The following SGCZ variants were observed in gnomAD, a reference collection of about 807,000 sequenced individuals.
SGCZ encodes sarcoglycan zeta.
SGCZ carries 40 observed loss-of-function variants against 41.3 expected under a neutral mutation model. That is an observed-to-expected ratio of 0.97 (90% CI 0.75 to 1.26). The LOEUF (loss-of-function observed/expected upper bound fraction) is 1.26. Ranked by LOEUF, SGCZ falls within the 50% of genes most tolerant of loss-of-function variation. The pLI is 0.00. For synonymous variants in SGCZ, 206 were observed against 137.5 expected, an observed-to-expected ratio of 1.50 and a Z score of -3.49; for missense variants, 552 against 369.8, an observed-to-expected ratio of 1.49 and a Z score of -4.04.
chr8:14,298,240 T>C (rs1313540750), intron 3 of SGCZ, among the ~76,000 whole-genome samples: 1 of 152,038 alleles, frequency 6.6e-6, no homozygotes. Flanking sequence ...AATTCTACTG[T>C]AAATATGAAT....
At chr8:14,814,949 T>C (rs901644083) in intron 1 of SGCZ, among the ~76,000 whole-genome samples, 1 of 152,014 alleles carries the variant, frequency 6.6e-6, no homozygotes, top group African/African-American at 2.4e-5. Flanking sequence ...AATAGGACAT[T>C]AAAAAAAGAA....
intron 3 of SGCZ, among the ~76,000 whole-genome samples, chr8:14,249,233 G>A (rs1439726608): frequency 1.3e-5 from 2 of 152,166 alleles, no homozygotes; most frequent in African/African-American, 4.8e-5. Flanking sequence ...GCTGGGACAT[G>A]AGTCTTCTCT....
chr8:14,507,912 C>T (rs1802355574), intron 2 of SGCZ, among the ~76,000 whole-genome samples: 1 of 152,030 alleles, frequency 6.6e-6, no homozygotes, highest in Admixed American at 6.6e-5. Flanking sequence ...GCTGGGATTA[C>T]AGGCATGCGC....
chr8:14,888,300 G>C (rs1278593161), intron 1 of SGCZ, among the ~76,000 whole-genome samples: 1 of 152,096 alleles, frequency 6.6e-6, no homozygotes. Context: ...GATGCATAAA[G>C]ATATTCTGTT....
At position 14,850,937 on chromosome 8, in the gene SGCZ, T is replaced by C. The variant is rs148168389; in HGVS notation, c.40-296011A>G. 7.2e-5 allele frequency among the ~76,000 whole-genome samples: 11 copies of C among 152,310 alleles called. No homozygotes were observed. The East Asian group carries it at 2.1e-3, about 29-fold the overall frequency. On this transcript the variant is annotated intron_variant, in intron 1 of 7. Coordinates refer to ENST00000382080, the MANE Select transcript of SGCZ (RefSeq NM_139167.4). ...TGACACCTCTCCAGCCGTACTGTGATTCAATTAAACCTCTTTCCTTTATAA... is the reference window on the plus strand; with the variant it reads ...TGACACCTCTCCAGCCGTACTGTGACTCAATTAAACCTCTTTCCTTTATAA...
At chr8:14,782,663 G>A (rs887132783) in intron 1 of SGCZ, among the ~76,000 whole-genome samples, 7 of 140,984 alleles carry the variant, frequency 5.0e-5, no homozygotes, top group Admixed American at 2.8e-4. Flanking sequence ...GGTTTTAGAT[G>A]AATTATTGAG....
At chr8:15,211,928 G>C (rs1302876217) in intron 1 of SGCZ, among the ~76,000 whole-genome samples, 2 of 152,088 alleles carry the variant, frequency 1.3e-5, no homozygotes, top group Non-Finnish European at 2.9e-5. Context: ...AGTTACATGA[G>C]AATTCAAAGT....
intron 1 of SGCZ, among the ~76,000 whole-genome samples, chr8:14,941,715 G>C (rs927618419): frequency 6.6e-6 from 1 of 151,658 alleles, no homozygotes; most frequent in Admixed American, 6.6e-5. Context: ...GAGAGAGTTT[G>C]TACATCTATT....
In SGCZ at chr8:14,114,821, C is replaced by T. The variant is rs960617797; in HGVS notation, c.548-6586G>A. 1.9e-4 allele frequency among the ~76,000 whole-genome samples: 29 copies of T among 151,978 alleles called. 1 individual carries two copies. The highest frequency in any genetic ancestry group is 1.7e-3 in the Admixed American group (26 of 15,232). The stretch of plus-strand genomic sequence containing the variant: ...GTAACCTTCAAGAAGTTATGTTTTA[C>T]TAGCAGTTGTTTCTCTGAGTTTTAG... On this transcript the variant is annotated intron_variant, in intron 5 of 7. Coordinates refer to ENST00000382080, the MANE Select transcript of SGCZ (RefSeq NM_139167.4).
chr8:14,161,413 C>T (rs559123343), intron 5 of SGCZ: 1 of 152,130 alleles, frequency 6.6e-6, no homozygotes, highest in Non-Finnish European at 1.5e-5. Flanking sequence ...GTTTGTGACT[C>T]TAGGGTGTGT....
At position 14,669,357 on chromosome 8, in the gene SGCZ, C is replaced by CTAAGTAAGTAAG. The variant is rs75686503; in HGVS notation, c.40-114443_40-114432dup. Among the ~76,000 whole-genome samples the CTAAGTAAGTAAG allele has an allele frequency of 9.8e-3, 1,437 of 146,574 alleles. 22 individuals carry two copies. The highest frequency in any genetic ancestry group is 0.037 in the South Asian group (168 of 4,506). ...TGGACAACAGAGCAAGACCCTGTCT[C>CTAAGTAAGTAAG]TAAGTAAGTAAGTAAGTAAGTAAGT... On this transcript the variant is annotated intron_variant, in intron 1 of 7. Transcript: ENST00000382080.
intron 1 of SGCZ, among the ~76,000 whole-genome samples, chr8:15,030,901 T>C (rs969428890): frequency 6.6e-6 from 1 of 152,052 alleles, no homozygotes; most frequent in Non-Finnish European, 1.5e-5. Context: ...GAAACACAGT[T>C]TAAGTAAAGG....
intron 2 of SGCZ, among the ~76,000 whole-genome samples, chr8:14,526,723 G>A (rs2117114266): frequency 6.6e-6 from 1 of 152,190 alleles, no homozygotes; most frequent in East Asian, 1.9e-4. Context: ...AGTGTGAAAT[G>A]CATATCACAT....
chr8:14,557,623 A>G (rs537197451), intron 1 of SGCZ, among the ~76,000 whole-genome samples: 2 of 152,198 alleles, frequency 1.3e-5, no homozygotes, highest in African/African-American at 4.8e-5. Context: ...ATGAGGATCC[A>G]GTTTCATTAT....
intron 3 of SGCZ, among the ~76,000 whole-genome samples, chr8:14,275,261 T>C (rs1800190206): frequency 6.6e-6 from 1 of 152,178 alleles, no homozygotes; most frequent in African/African-American, 2.4e-5. Context: ...CAAGTTGGAA[T>C]TCCTCCATTG....
At chr8:14,677,652 T>A (rs920124720) in intron 1 of SGCZ, among the ~76,000 whole-genome samples, 4 of 152,036 alleles carry the variant, frequency 2.6e-5, no homozygotes, top group Admixed American at 2.6e-4. Flanking sequence ...GTGCCTGTAA[T>A]ACAAGCTACT....
intron 2 of SGCZ, among the ~76,000 whole-genome samples, chr8:14,391,775 T>G (rs1217640688): frequency 1.3e-5 from 2 of 152,148 alleles, no homozygotes; most frequent in African/African-American, 4.8e-5. Flanking sequence ...GCAATTTAAT[T>G]GGCTCACATT....
chr8:14,538,248 G>A (rs1563395144), intron 2 of SGCZ, among the ~76,000 whole-genome samples: 1 of 151,854 alleles, frequency 6.6e-6, no homozygotes, highest in Non-Finnish European at 1.5e-5. Flanking sequence ...TTGATGTTTA[G>A]TGAAGGCAAC....
intron 2 of SGCZ, among the ~76,000 whole-genome samples, chr8:14,423,086 T>C (rs987422743): frequency 6.6e-6 from 1 of 152,062 alleles, no homozygotes; most frequent in African/African-American, 2.4e-5. Flanking sequence ...CCCATGAGTG[T>C]TCATAGGTAA....
Sources: gnomAD v4.1 joint callset for allele counts (sites outside exome capture counted in the v4.1 genomes callset) on GRCh38, gnomAD v4.1.1 for gene constraint, MANE v1.5 for transcripts, NCBI Gene and HGNC (gene_info 2026-07-23, HGNC 2026-07-21) for gene names.